The following WIPF3 variants were observed in gnomAD, a reference collection of about 807,000 sequenced individuals.
WIPF3 encodes WAS/WASL interacting protein family member 3.
A neutral mutation model predicts 38.9 loss-of-function variants in WIPF3; 33 were observed. The observed-to-expected ratio is 0.85, with a 90% confidence interval of 0.64 to 1.14. The LOEUF (loss-of-function observed/expected upper bound fraction) is 1.14. Ranked by LOEUF, WIPF3 falls within the 50% of genes most tolerant of loss-of-function variation. The probability of loss-of-function intolerance (pLI) is 0.00; values close to 1 mark genes in which losing one functional copy is unlikely to be tolerated. For missense variants in WIPF3, 711 were observed against 652.5 expected (o/e 1.09, Z -0.98); for synonymous variants, 324 against 269.3 (o/e 1.20, Z -1.99).
At chr7:29,841,078 T>A (rs1784904874) in intron 2 of WIPF3, among the ~76,000 whole-genome samples, 1 of 152,148 alleles carries the variant, frequency 6.6e-6, no homozygotes, top group East Asian at 1.9e-4. Context: ...TGGTTAAATT[T>A]TGGTTACAAG....
intron 3 of WIPF3, among the ~76,000 whole-genome samples, chr7:29,877,697 C>T (rs926966417): frequency 5.3e-5 from 8 of 152,084 alleles, no homozygotes; most frequent in African/African-American, 9.7e-5. Flanking sequence ...GCTCCATGAA[C>T]GCAAGCTTTG....
chr7:29,884,750 G>A (rs1785837208), intron 5 of WIPF3, among the ~76,000 whole-genome samples, 157 bp downstream of exon 5: 1 of 152,232 alleles, frequency 6.6e-6, no homozygotes. Flanking sequence ...TGTAAGCAAG[G>A]GATCCCGGCC....
intron 7 of WIPF3, among the ~76,000 whole-genome samples, chr7:29,893,280 TGGTGAGGG>T (rs1416362684): frequency 3.4e-4 from 52 of 151,732 alleles, no homozygotes; most frequent in Admixed American, 3.9e-4. Flanking sequence ...CTGTCATTTA[TGGTGAGGG>T]GAGGTGGCTA....
In WIPF3 at chr7:29,888,973, C is replaced by T. The variant is rs188775383; in HGVS notation, c.1250-333C>T. On this transcript the variant is annotated intron_variant, in intron 6 of 8. Transcript: ENST00000242140. ...CCAGTTCCTTGTTGGGACCAGGGTC[C>T]CCACCTCTGATTCTGGACCCTGGAG... Among the ~76,000 whole-genome samples the T allele has an allele frequency of 9.8e-5, 15 of 152,298 alleles. No individual in the cohort carries two copies. In the East Asian group the frequency reaches 2.9e-3, roughly 29 times the overall value.
At chr7:29,876,094 T>C in intron 3 of WIPF3, 132 bp downstream of exon 3, 18 of 1,263,632 alleles carry the variant, frequency 1.4e-5, no homozygotes, top group Non-Finnish European at 1.6e-5. Context: ...GACCTGCTCA[T>C]TGGACAGGCC....
chr7:29,884,365 G>GCCCCCCCCCCCCCCCCCCCCCCCC lies in WIPF3; in HGVS notation c.875_876insCCCCCCCCCCCCCCCCCCCCCCCC (p.Pro295_Leu296insProProProProProProProPro). On this transcript the variant is annotated inframe_insertion, in exon 5 of 9. Coordinates refer to ENST00000242140, the MANE Select transcript of WIPF3 (RefSeq NM_001080529.3). The stretch of plus-strand genomic sequence containing the variant: ...TGCGCAAGATGCGCAGGAGCCTCCC[G>GCCCCCCCCCCCCCCCCCCCCCCCC]CCCCGCCGCCCCCGCTCCCCCCTTA... 3 of 573,298 alleles carry GCCCCCCCCCCCCCCCCCCCCCCCC rather than the reference G, an allele frequency of 5.2e-6. No individual in the cohort carries two copies. Among genetic ancestry groups the GCCCCCCCCCCCCCCCCCCCCCCCC allele is most frequent in the Non-Finnish European group, 4.6e-6 (2 of 438,926 alleles). 35.5% of individuals were successfully genotyped at this position (573,298 alleles called of 1,614,324 possible). A position where few individuals can be genotyped will look rare whatever the true frequency, so the allele number is the denominator to read the frequency against.
chr7:29,810,808 C>T (rs1784361058), intron 1 of WIPF3, among the ~76,000 whole-genome samples: 1 of 152,150 alleles, frequency 6.6e-6, no homozygotes, highest in Non-Finnish European at 1.5e-5. Flanking sequence ...TACTTAACCT[C>T]TCTGTGTTTT....
chr7:29,863,609 T>C (rs1785336998), intron 2 of WIPF3, among the ~76,000 whole-genome samples: 1 of 152,224 alleles, frequency 6.6e-6, no homozygotes, highest in Non-Finnish European at 1.5e-5. Context: ...TATTTTCAAA[T>C]CTTACTGGGA....
At chr7:29,874,620 C>T (rs1046125027) in intron 2 of WIPF3, among the ~76,000 whole-genome samples, 2 of 152,180 alleles carry the variant, frequency 1.3e-5, no homozygotes, top group African/African-American at 2.4e-5. Context: ...TCTAAGGTCA[C>T]GTGGCTGGTA....
chr7:29,812,640 G>C (rs142844704), intron 1 of WIPF3, among the ~76,000 whole-genome samples: 91 of 152,264 alleles, frequency 6.0e-4, no homozygotes, highest in Non-Finnish European at 1.2e-3. Flanking sequence ...AGTGTCACAG[G>C]GTTGTTCTAA....
At chr7:29,892,014 C>T (rs2128078203) in intron 7 of WIPF3, among the ~76,000 whole-genome samples, 1 of 152,268 alleles carries the variant, frequency 6.6e-6, no homozygotes, top group South Asian at 2.1e-4. Flanking sequence ...GCCGGAGGTG[C>T]AAGGTTGGGA....
chr7:29,864,211 G>A (rs976616954), intron 2 of WIPF3, among the ~76,000 whole-genome samples: 1 of 152,056 alleles, frequency 6.6e-6, no homozygotes, highest in African/African-American at 2.4e-5. Flanking sequence ...TTCCTAGTTT[G>A]CTGAGAGTTT....
chr7:29,858,644 C>G (rs1182051204), intron 2 of WIPF3, among the ~76,000 whole-genome samples: 1 of 152,194 alleles, frequency 6.6e-6, no homozygotes, highest in Non-Finnish European at 1.5e-5. Flanking sequence ...CAATGAGAGC[C>G]TACATTTTAT....
At chr7:29,895,122 G>A (rs1455974836) in intron 7 of WIPF3, among the ~76,000 whole-genome samples, 1 of 152,044 alleles carries the variant, frequency 6.6e-6, no homozygotes, top group African/African-American at 2.4e-5. Flanking sequence ...TGTATTTTCA[G>A]TACAGACAGG....
intron 1 of WIPF3, among the ~76,000 whole-genome samples, chr7:29,821,980 G>C (rs952685882): frequency 6.6e-6 from 1 of 151,798 alleles, no homozygotes; most frequent in African/African-American, 2.4e-5. Context: ...TGTTTTAAAG[G>C]GTTAATTATT....
intron 8 of WIPF3, among the ~76,000 whole-genome samples, chr7:29,909,378 T>G (rs575370109): frequency 6.6e-6 from 1 of 152,084 alleles, no homozygotes; most frequent in Non-Finnish European, 1.5e-5. Flanking sequence ...TTGAAAAGAT[T>G]AACAAAACTG....
chr7:29,871,127 G>A (rs1056844756), intron 2 of WIPF3, among the ~76,000 whole-genome samples: 2 of 152,158 alleles, frequency 1.3e-5, no homozygotes, highest in African/African-American at 4.8e-5. Flanking sequence ...TGGGGTGCAG[G>A]GAACACTGTG....
At chr7:29,856,134 C>A (rs1785184077) in intron 2 of WIPF3, among the ~76,000 whole-genome samples, 1 of 152,196 alleles carries the variant, frequency 6.6e-6, no homozygotes, top group Admixed American at 6.5e-5. Context: ...CTACCCCACC[C>A]TACATATCTC....
At chr7:29,839,837 G>C (rs1784886230) in intron 2 of WIPF3, among the ~76,000 whole-genome samples, 1 of 152,148 alleles carries the variant, frequency 6.6e-6, no homozygotes, top group South Asian at 2.1e-4. Flanking sequence ...CTGTTTTTAT[G>C]CTACAGCAGC....
Sources: allele counts gnomAD v4.1 joint callset (sites outside exome capture counted in the v4.1 genomes callset), GRCh38; gene constraint gnomAD v4.1.1; transcripts MANE v1.5; gene names NCBI Gene and HGNC (gene_info 2026-07-23, HGNC 2026-07-21).